Variants in ASTN1 observed in about 807,000 individuals in gnomAD.
ASTN1 encodes astrotactin 1.
Under a neutral mutation model 140.7 loss-of-function variants are expected in ASTN1, and 41 were observed. The ratio of observed to expected loss-of-function variants is 0.29; its 90% CI spans 0.23 to 0.38. The LOEUF (loss-of-function observed/expected upper bound fraction) is 0.38. ASTN1 is among the 10% of genes least tolerant of loss of function. ASTN1 has a pLI of 1.00. For missense variants in ASTN1, 1,479 were observed against 1,678.8 expected, an observed-to-expected ratio of 0.88 and a Z score of 2.08; for synonymous variants, 640 against 652.2, an observed-to-expected ratio of 0.98 and a Z score of 0.29.
intron 11 of ASTN1, among the ~76,000 whole-genome samples, chr1:176,954,990 C>A (rs991542066): frequency 2.0e-5 from 3 of 152,222 alleles, no homozygotes; most frequent in African/African-American, 7.2e-5. Context: ...GCGGACCAAA[C>A]AAGAATCCCA....
At chr1:177,030,608 G>A (rs552188107) in intron 4 of ASTN1, among the ~76,000 whole-genome samples, 198 bp downstream of exon 4, 2 of 152,142 alleles carry the variant, frequency 1.3e-5, no homozygotes, top group Admixed American at 6.5e-5. Context: ...ATAGACTCTT[G>A]TTGGTGAAAT....
chr1:176,925,054 C>T (rs1670896688), intron 16 of ASTN1, among the ~76,000 whole-genome samples: 1 of 152,128 alleles, frequency 6.6e-6, no homozygotes, highest in Non-Finnish European at 1.5e-5. Context: ...TTTCCAATTC[C>T]TTCCAGTGCC....
intron 5 of ASTN1, among the ~76,000 whole-genome samples, chr1:177,028,073 T>C (rs1161037114): frequency 3.3e-5 from 5 of 152,130 alleles, no homozygotes; most frequent in Non-Finnish European, 5.9e-5. Flanking sequence ...GAAAAATAAA[T>C]TAGGCATTCC....
intron 21 of ASTN1, among the ~76,000 whole-genome samples, chr1:176,869,860 C>T (rs888841015): frequency 1.3e-5 from 2 of 152,094 alleles, no homozygotes; most frequent in Non-Finnish European, 1.5e-5. Flanking sequence ...GCAGTGCTTG[C>T]GAGTGATGTG....
chr1:176,961,384 C>T (rs1194984933), intron 9 of ASTN1, among the ~76,000 whole-genome samples: 1 of 152,182 alleles, frequency 6.6e-6, no homozygotes, highest in Non-Finnish European at 1.5e-5. Flanking sequence ...CTGGTAAGAT[C>T]AAGGTGAAAC....
At chr1:177,035,230 C>T (rs1054981051) in intron 2 of ASTN1, among the ~76,000 whole-genome samples, 3 of 152,180 alleles carry the variant, frequency 2.0e-5, no homozygotes, top group African/African-American at 7.2e-5. Context: ...GACCACAACT[C>T]TTATTTCACA....
intron 1 of ASTN1, among the ~76,000 whole-genome samples, chr1:177,091,545 A>T (rs904132007): frequency 2.6e-5 from 4 of 152,166 alleles, no homozygotes; most frequent in Non-Finnish European, 5.9e-5. Flanking sequence ...TGTCTTTTTA[A>T]TTGAGATATA....
At chr1:176,956,966 T>C (rs936080187) in intron 11 of ASTN1, among the ~76,000 whole-genome samples, 4 of 152,132 alleles carry the variant, frequency 2.6e-5, no homozygotes, top group Non-Finnish European at 5.9e-5. Context: ...GGCAAGATCA[T>C]AGCTCATTGC....
chr1:177,084,251 T>A (rs1679318435), intron 1 of ASTN1, among the ~76,000 whole-genome samples: 1 of 152,124 alleles, frequency 6.6e-6, no homozygotes, highest in South Asian at 2.1e-4. Flanking sequence ...GAAAGGCAAA[T>A]GGCCACACTG....
At chr1:177,113,154 G>T (rs1405098449) in intron 1 of ASTN1, among the ~76,000 whole-genome samples, 1 of 152,242 alleles carries the variant, frequency 6.6e-6, no homozygotes, top group Non-Finnish European at 1.5e-5. Flanking sequence ...CTCACATGGA[G>T]TTCAGGCTCA....
intron 21 of ASTN1, among the ~76,000 whole-genome samples, chr1:176,872,500 A>T (rs1668390306): frequency 6.6e-6 from 1 of 152,228 alleles, no homozygotes; most frequent in African/African-American, 2.4e-5. Flanking sequence ...TCTATTCTCC[A>T]ATAATGAAAA....
intron 2 of ASTN1, among the ~76,000 whole-genome samples, chr1:177,045,927 G>A (rs1677198198): frequency 6.6e-6 from 1 of 151,996 alleles, no homozygotes; most frequent in African/African-American, 2.4e-5. Context: ...GCTTTACAAA[G>A]TGAATGGGGT....
At chr1:177,117,702 A>T (rs539389090) in intron 1 of ASTN1, among the ~76,000 whole-genome samples, 110 of 152,264 alleles carry the variant, frequency 7.2e-4, no homozygotes, top group Non-Finnish European at 1.2e-3. Context: ...CCCACACCAT[A>T]CTACTCCCTG....
At chr1:176,881,172 C>T (rs1264432078) in intron 20 of ASTN1, among the ~76,000 whole-genome samples, 2 of 152,188 alleles carry the variant, frequency 1.3e-5, no homozygotes, top group Admixed American at 1.3e-4. Flanking sequence ...TTGTGATCTG[C>T]AGCGCCACCT....
chr1:177,041,173 C>T (rs1230899261), intron 2 of ASTN1, among the ~76,000 whole-genome samples: 2 of 152,168 alleles, frequency 1.3e-5, no homozygotes, highest in African/African-American at 2.4e-5. Flanking sequence ...CAAAGACTGA[C>T]CTAGACCTCT....
chr1:177,060,977 A>G, intron 2 of ASTN1, 101 bp downstream of exon 2: 1 of 1,177,044 alleles, frequency 8.5e-7, no homozygotes, highest in Non-Finnish European at 1.1e-6. Flanking sequence ...AATGATCATT[A>G]CAGAGTTAGG....
intron 1 of ASTN1, among the ~76,000 whole-genome samples, chr1:177,072,911 A>AT (rs1678713754): frequency 6.6e-6 from 1 of 152,152 alleles, no homozygotes; most frequent in African/African-American, 2.4e-5. Context: ...TTAGTTTGAG[A>AT]TTTTAACTAA....
At chr1:176,877,317 G>A (rs1311557858) in intron 20 of ASTN1, among the ~76,000 whole-genome samples, 1 of 152,108 alleles carries the variant, frequency 6.6e-6, no homozygotes, top group Non-Finnish European at 1.5e-5. Flanking sequence ...GCAAAGGACC[G>A]GGGACAGCTT....
At chr1:176,945,269 T>A (rs1423908363) in intron 13 of ASTN1, among the ~76,000 whole-genome samples, 1 of 152,206 alleles carries the variant, frequency 6.6e-6, no homozygotes, top group Non-Finnish European at 1.5e-5. Context: ...AAGGCCCAAT[T>A]ATGTCTATCA....
Sources: gnomAD v4.1 joint callset for allele counts (sites outside exome capture counted in the v4.1 genomes callset) on GRCh38, gnomAD v4.1.1 for gene constraint, MANE v1.5 for transcripts, NCBI Gene and HGNC (gene_info 2026-07-23, HGNC 2026-07-21) for gene names.